Variants in RASGEF1A observed in about 807,000 individuals in gnomAD.
RASGEF1A encodes RasGEF domain family member 1A.
Under a neutral mutation model 56.4 loss-of-function variants are expected in RASGEF1A, and 18 were observed. The observed-to-expected ratio is 0.32, with a 90% confidence interval of 0.22 to 0.47. The LOEUF is 0.47. Ranked by LOEUF, RASGEF1A falls within the 20% of genes least tolerant of loss-of-function variation. RASGEF1A has a pLI of 1.00. For missense variants in RASGEF1A, 422 were observed against 627.1 expected (o/e 0.67, Z 3.49); for synonymous variants, 245 against 242.6 (o/e 1.01, Z -0.09).
At chr10:43,227,095 A>AG (rs1333353114) in intron 1 of RASGEF1A, among the ~76,000 whole-genome samples, 2 of 152,158 alleles carry the variant, frequency 1.3e-5, no homozygotes, top group Non-Finnish European at 2.9e-5. Context: ...CAGTGGGTTA[A>AG]GGGGGAAAAG....
At chr10:43,258,213 G>A (rs531026485) in intron 1 of RASGEF1A, among the ~76,000 whole-genome samples, 2 of 152,340 alleles carry the variant, frequency 1.3e-5, no homozygotes, top group Admixed American at 6.5e-5. Flanking sequence ...GCGCAGTTTC[G>A]TTTAACTCAA....
chr10:43,261,231 G>A (rs1836522522), intron 1 of RASGEF1A, among the ~76,000 whole-genome samples: 1 of 152,332 alleles, frequency 6.6e-6, no homozygotes, highest in East Asian at 1.9e-4. Context: ...ACCACTCCCC[G>A]CAGGGCAGTT....
chr10:43,213,962 C>T (rs766749627), intron 1 of RASGEF1A, among the ~76,000 whole-genome samples: 7 of 152,136 alleles, frequency 4.6e-5, no homozygotes, highest in Non-Finnish European at 1.0e-4. Flanking sequence ...GACCCATGCC[C>T]GTCCCCCAGG....
chr10:43,233,631 C>T (rs1037688344), intron 1 of RASGEF1A, among the ~76,000 whole-genome samples: 2 of 152,178 alleles, frequency 1.3e-5, no homozygotes, highest in Non-Finnish European at 2.9e-5. Context: ...CACGTGCTGA[C>T]GAGATAGCAC....
chr10:43,219,296 C>T (rs1217163020), intron 1 of RASGEF1A, among the ~76,000 whole-genome samples: 3 of 152,212 alleles, frequency 2.0e-5, no homozygotes, highest in Admixed American at 6.5e-5. Flanking sequence ...TGGGCACAGG[C>T]TTGGATGGGG....
At chr10:43,251,069 T>G (rs2133224799) in intron 1 of RASGEF1A, among the ~76,000 whole-genome samples, 1 of 152,264 alleles carries the variant, frequency 6.6e-6, no homozygotes, top group Admixed American at 6.5e-5. Context: ...TGGAAGGAAG[T>G]GCCTATTCCC....
At chr10:43,238,340 C>T (rs191480110) in intron 1 of RASGEF1A, among the ~76,000 whole-genome samples, 131 of 152,308 alleles carry the variant, frequency 8.6e-4, no homozygotes, top group African/African-American at 3.0e-3. Flanking sequence ...CAGAGTCAGA[C>T]CTGCCTTCAG....
intron 1 of RASGEF1A, among the ~76,000 whole-genome samples, chr10:43,255,963 C>A (rs1354535035): frequency 6.6e-6 from 1 of 152,190 alleles, no homozygotes; most frequent in Non-Finnish European, 1.5e-5. Context: ...CCCCTGGTTG[C>A]CAACAATGCT....
chr10:43,203,456 G>A (rs748926571), intron 2 of RASGEF1A, 36 bp from the exon 3 acceptor site: 2 of 1,489,278 alleles, frequency 1.3e-6, no homozygotes, highest in Non-Finnish European at 1.8e-6. Flanking sequence ...CGGAGGGAGG[G>A]TGAGGCAGGC....
chr10:43,196,135 T>A lies in RASGEF1A; in HGVS notation c.*109A>T. ...CCATTTTTTTCTCATAAAAGTTATA[T>A]ACAAAATGGACCCCAACCAGTGAGG... On this transcript the variant is annotated 3_prime_UTR_variant, in exon 13 of 13. Transcript: ENST00000395810. The surrounding 1 kb of genome is among the most constrained non-coding windows in gnomAD (Gnocchi z 4.6). The A allele has an allele frequency of 1.9e-6, 2 of 1,028,050 alleles. No homozygotes were observed. Among genetic ancestry groups the A allele is most frequent in the Non-Finnish European group, 1.4e-6 (1 of 689,962 alleles). 63.7% of individuals were successfully genotyped at this position (1,028,050 alleles called of 1,614,324 possible). A position where few individuals can be genotyped will look rare whatever the true frequency, so the allele number is the denominator to read the frequency against.
At chr10:43,197,229 GC>G (rs1156704424) in intron 10 of RASGEF1A, 130 bp from the exon 11 acceptor site, 1 of 1,073,838 alleles carries the variant, frequency 9.3e-7, no homozygotes, top group Admixed American at 2.2e-5. Flanking sequence ...TGGGACAGTG[GC>G]CCTGCACGCT....
At chr10:43,221,276 G>A (rs1237671032) in intron 1 of RASGEF1A, among the ~76,000 whole-genome samples, 5 of 152,186 alleles carry the variant, frequency 3.3e-5, no homozygotes, top group African/African-American at 4.8e-5. Flanking sequence ...GTGTGAAAAC[G>A]TCCCAATAAA....
chr10:43,260,127 C>G (rs1004358549), intron 1 of RASGEF1A, among the ~76,000 whole-genome samples: 1 of 152,214 alleles, frequency 6.6e-6, no homozygotes, highest in African/African-American at 2.4e-5. Context: ...GTGAAACGCC[C>G]AGCAGAGCCC....
intron 1 of RASGEF1A, among the ~76,000 whole-genome samples, chr10:43,244,430 C>G (rs947796471): frequency 6.6e-6 from 1 of 150,640 alleles, no homozygotes; most frequent in Non-Finnish European, 1.5e-5. Context: ...AAGACTTGAA[C>G]AACACTTTAA....
intron 1 of RASGEF1A, chr10:43,208,878 C>T (rs766138944): frequency 7.2e-5 from 71 of 985,490 alleles, no homozygotes; most frequent in Non-Finnish European, 8.6e-5. Context: ...GCAGGAATGC[C>T]GGCCCTGCAG....
At chr10:43,208,405 G>A in intron 1 of RASGEF1A, 1 of 985,640 alleles carries the variant, frequency 1.0e-6, no homozygotes, top group Non-Finnish European at 1.2e-6. Context: ...TCAGTGCTAG[G>A]AGGCCTGCCT....
At chr10:43,221,655 T>C (rs2460544) in intron 1 of RASGEF1A, among the ~76,000 whole-genome samples, 113,833 of 152,220 alleles carry the variant, frequency 0.75, 42,825 homozygotes, top group East Asian at 0.96. Flanking sequence ...CATTTGCAGG[T>C]TAGGCTGCAA....
chr10:43,212,400 T>C (rs982776328), intron 1 of RASGEF1A, among the ~76,000 whole-genome samples: 5 of 152,190 alleles, frequency 3.3e-5, no homozygotes, highest in African/African-American at 1.2e-4. Flanking sequence ...GGGGCTGTCA[T>C]CTGGTTTCTC....
At chr10:43,197,688 T>A (rs1397841315) in intron 10 of RASGEF1A, among the ~76,000 whole-genome samples, 1 of 151,938 alleles carries the variant, frequency 6.6e-6, no homozygotes, top group African/African-American at 2.4e-5. Context: ...CCTCCTGACC[T>A]CCAATCCCAC....
Sources: gnomAD v4.1 joint callset for allele counts (sites outside exome capture counted in the v4.1 genomes callset) on GRCh38, gnomAD v4.1.1 for gene constraint, Gnocchi (gnomAD v3.1) non-coding constraint, MANE v1.5 for transcripts, NCBI Gene and HGNC (gene_info 2026-07-23, HGNC 2026-07-21) for gene names.